PTGER3: variants seen among roughly 807,000 people sequenced by gnomAD.
The protein encoded by PTGER3 is prostaglandin E2 receptor EP3 subtype.
PTGER3 carries 22 observed loss-of-function variants against 34.7 expected under a neutral mutation model. The observed-to-expected ratio is 0.63, with a 90% CI of 0.45 to 0.91. The LOEUF is 0.91. PTGER3 is among the 40% of genes least tolerant of loss of function. The probability of loss-of-function intolerance (pLI) is 0.00; values close to 1 mark genes in which losing one functional copy is unlikely to be tolerated. For missense variants in PTGER3, 468 were observed against 519.4 expected, an observed-to-expected ratio of 0.90 and a Z score of 0.96; for synonymous variants, 241 against 230.1, an observed-to-expected ratio of 1.05 and a Z score of -0.43.
intron 1 of PTGER3, among the ~76,000 whole-genome samples, chr1:71,034,350 T>A (rs1233420853): frequency 1.3e-5 from 2 of 152,208 alleles, no homozygotes; most frequent in Non-Finnish European, 2.9e-5. Flanking sequence ...AGGTATTTTA[T>A]AAGATGATAT....
intron 4 of PTGER3, among the ~76,000 whole-genome samples, chr1:70,918,748 G>A (rs1647273609): frequency 6.6e-6 from 1 of 152,006 alleles, no homozygotes; most frequent in Non-Finnish European, 1.5e-5. Flanking sequence ...TGATTCTACA[G>A]TTGAATTTTG....
At chr1:70,948,233 A>G (rs1003387421), downstream of PTGER3, among the ~76,000 whole-genome samples, 1 of 152,090 alleles carries the variant, frequency 6.6e-6, no homozygotes, top group African/African-American at 2.4e-5. Flanking sequence ...GTAGGGACCC[A>G]GTGGGAGGTA....
chr1:70,862,144 C>G (rs1285374858), intron 4 of PTGER3, among the ~76,000 whole-genome samples: 1 of 151,906 alleles, frequency 6.6e-6, no homozygotes, highest in Non-Finnish European at 1.5e-5. Flanking sequence ...GAGAGATTAC[C>G]TGAAATATTG....
chr1:70,962,937 C>A (rs2100638567), intron 2 of PTGER3, among the ~76,000 whole-genome samples: 1 of 152,298 alleles, frequency 6.6e-6, no homozygotes, highest in East Asian at 1.9e-4. Context: ...CAAGGCAAGT[C>A]CCTTGCCTGT....
intron 4 of PTGER3, chr1:70,886,316 C>A (rs1205646546): frequency 2.2e-6 from 1 of 450,262 alleles, no homozygotes; most frequent in East Asian, 7.1e-5. Context: ...CCTGAACTTG[C>A]CGGCCTCCAG....
chr1:71,013,791 C>T (rs916436986), intron 1 of PTGER3, among the ~76,000 whole-genome samples: 4 of 151,856 alleles, frequency 2.6e-5, no homozygotes, highest in African/African-American at 9.7e-5. Context: ...GTCCAGAATT[C>T]CTGCACCAAG....
At chr1:70,914,008 T>A (rs1342318454) in intron 4 of PTGER3, among the ~76,000 whole-genome samples, 1 of 151,890 alleles carries the variant, frequency 6.6e-6, no homozygotes, top group Non-Finnish European at 1.5e-5. Flanking sequence ...TAGAATGAGT[T>A]GGAAAGTATT....
intron 2 of PTGER3, among the ~76,000 whole-genome samples, chr1:70,994,693 C>T (rs186043521): frequency 6.6e-6 from 1 of 151,998 alleles, no homozygotes; most frequent in African/African-American, 2.4e-5. Flanking sequence ...CCTGACCTTG[C>T]GATCCACCCC....
At chr1:70,913,123 C>G (rs1362253415) in intron 4 of PTGER3, among the ~76,000 whole-genome samples, 1 of 151,912 alleles carries the variant, frequency 6.6e-6, no homozygotes, top group African/African-American at 2.4e-5. Context: ...ATTTTGTGAA[C>G]ACAGTATATG....
In PTGER3 at chr1:71,047,093, G is replaced by C. The variant is rs1557777820; in HGVS notation, c.485C>G (p.Pro162Arg). 6.2e-7 allele frequency: 1 copy of C among 1,608,768 alleles called. No individual in the cohort carries two copies. Among genetic ancestry groups the C allele is most frequent in the South Asian group, 1.1e-5 (1 of 90,796 alleles). ...CTTCATGTGGCTCGCATACCAGTGC[G>C]GCGCCCTGATGGCCAGCGCCCGCTC... ...AVERALAIRA[P>R]HWYASHMKTR... is the part of the protein sequence containing the mutation. Residue 162 changes from proline (P) to arginine (R), a missense_variant, in exon 1 of 4, where the codon CCG becomes CGG. Coordinates refer to ENST00000306666, the MANE Select transcript of PTGER3 (RefSeq NM_198719.2).
At chr1:70,940,495 G>A (rs539018678) in intron 4 of PTGER3, among the ~76,000 whole-genome samples, 1 of 152,226 alleles carries the variant, frequency 6.6e-6, no homozygotes, top group East Asian at 1.9e-4. Context: ...AGACATACCC[G>A]AGACTGGGAA....
chr1:70,978,615 C>T (rs574446093), intron 2 of PTGER3, among the ~76,000 whole-genome samples: 7 of 152,058 alleles, frequency 4.6e-5, no homozygotes, highest in Admixed American at 6.5e-5. Context: ...GGAGTGTGTG[C>T]TCTAGTTGGG....
At chr1:70,853,835 A>C (rs1469494254) in intron 4 of PTGER3, among the ~76,000 whole-genome samples, 1 of 152,188 alleles carries the variant, frequency 6.6e-6, no homozygotes, top group African/African-American at 2.4e-5. Context: ...GCACTCAATC[A>C]ATCTTTGACA....
At chr1:70,867,393 C>T (rs1340087677) in intron 4 of PTGER3, among the ~76,000 whole-genome samples, 1 of 152,068 alleles carries the variant, frequency 6.6e-6, no homozygotes. Flanking sequence ...ATATTAAAAC[C>T]TTCAAAGAAA....
At chr1:70,938,424 TACTC>T (rs1033686885) in intron 4 of PTGER3, among the ~76,000 whole-genome samples, 5 of 152,150 alleles carry the variant, frequency 3.3e-5, no homozygotes, top group East Asian at 1.9e-4. Context: ...TTTTGGAAAA[TACTC>T]AATGATAATG....
intron 4 of PTGER3, among the ~76,000 whole-genome samples, chr1:70,946,672 C>A (rs1427703413): frequency 6.6e-6 from 1 of 152,112 alleles, no homozygotes; most frequent in African/African-American, 2.4e-5. Context: ...ACCCACCACA[C>A]CAAAATGATC....
chr1:70,862,926 A>G (rs1645958848), intron 4 of PTGER3, among the ~76,000 whole-genome samples: 1 of 152,130 alleles, frequency 6.6e-6, no homozygotes, highest in African/African-American at 2.4e-5. Context: ...AAACACTAAG[A>G]AAGATTGCAA....
chr1:70,947,957 G>T (rs900792555), downstream of PTGER3, among the ~76,000 whole-genome samples: 1 of 152,166 alleles, frequency 6.6e-6, no homozygotes, highest in Admixed American at 6.6e-5. Flanking sequence ...TAAATTATTT[G>T]TAGTAATCAA....
At chr1:71,004,664 G>T (rs773383068) in intron 2 of PTGER3, among the ~76,000 whole-genome samples, 3 of 152,104 alleles carry the variant, frequency 2.0e-5, no homozygotes, top group Non-Finnish European at 4.4e-5. Context: ...CTCACTTTAG[G>T]TATCACTTTG....
Sources: gnomAD v4.1 joint callset for allele counts (sites outside exome capture counted in the v4.1 genomes callset) on GRCh38, gnomAD v4.1.1 for gene constraint, MANE v1.5 for transcripts, NCBI Gene and HGNC (gene_info 2026-07-23, HGNC 2026-07-21) for gene names.